PITRM1: variants seen among roughly 807,000 people sequenced by gnomAD.
PITRM1 encodes presequence protease, mitochondrial.
PITRM1 carries 100 observed loss-of-function variants against 129.9 expected under a neutral mutation model. The ratio of observed to expected loss-of-function variants is 0.77; its 90% CI spans 0.65 to 0.91. PITRM1 has a LOEUF of 0.91. Ranked by LOEUF, PITRM1 falls within the 40% of genes least tolerant of loss-of-function variation. The pLI is 0.00. For synonymous variants in PITRM1, 591 were observed against 508.8 expected (o/e 1.16, Z -2.17); for missense variants, 1,471 against 1,318.3 (o/e 1.12, Z -1.79).
At chr10:3,142,149 C>T (rs575409752) in intron 23 of PITRM1, among the ~76,000 whole-genome samples, 18 of 152,210 alleles carry the variant, frequency 1.2e-4, no homozygotes, top group African/African-American at 3.9e-4. Flanking sequence ...TGGAAACAGA[C>T]ACCACTCTTC....
intron 16 of PITRM1, chr10:3,148,670 TG>T (rs1311004111): frequency 5.9e-6 from 1 of 170,866 alleles, no homozygotes; most frequent in Non-Finnish European, 1.2e-5. Context: ...ATACTTCCTT[TG>T]TTTTGCTCGA....
chr10:3,143,716 A>G lies in PITRM1; in HGVS notation c.2533-215T>C, dbSNP rs1018874655. ...CACTGCAGTTCCGTCACTCCACACA[A>G]TTTCTCACTGTAAAACTGACATGAA... On this transcript the variant is annotated intron_variant, in intron 22 of 26. Coordinates refer to ENST00000224949, the MANE Select transcript of PITRM1 (RefSeq NM_014889.4). 13 of 704,942 alleles carry G rather than the reference A, an allele frequency of 1.8e-5. No individual in the cohort carries two copies. The African/African-American group carries it at 1.9e-4, about 10-fold the overall frequency. The allele number at this position is 704,942 out of a possible 1,614,324, so 43.7% of individuals were successfully genotyped here. A position where few individuals can be genotyped will look rare whatever the true frequency, so the allele number is the denominator to read the frequency against.
chr10:3,156,851 G>C, intron 13 of PITRM1, 79 bp downstream of exon 13: 1 of 942,954 alleles, frequency 1.1e-6, no homozygotes, highest in Non-Finnish European at 1.5e-6. Context: ...TAAATGTATA[G>C]ATTATGTTCC....
chr10:3,165,123 G>A (rs1842748664), intron 6 of PITRM1, 115 bp downstream of exon 6: 2 of 812,736 alleles, frequency 2.5e-6, no homozygotes, highest in South Asian at 3.8e-5. Context: ...GCTAATTCAA[G>A]AATGTATCAC....
At chr10:3,168,266 C>T (rs1213569659) in intron 2 of PITRM1, among the ~76,000 whole-genome samples, 1 of 152,196 alleles carries the variant, frequency 6.6e-6, no homozygotes, top group African/African-American at 2.4e-5. Flanking sequence ...GAAATTACTT[C>T]TGTTTCCAAG....
chr10:3,160,445 T>C, intron 7 of PITRM1, 115 bp from the exon 8 acceptor site: 1 of 848,490 alleles, frequency 1.2e-6, no homozygotes, highest in South Asian at 1.7e-5. Flanking sequence ...GGTCTCGCCT[T>C]TCGGTTTCAG....
At chr10:3,156,209 T>C (rs140383247) in intron 13 of PITRM1, among the ~76,000 whole-genome samples, 52 of 152,340 alleles carry the variant, frequency 3.4e-4, no homozygotes, top group Middle Eastern at 3.4e-3. Context: ...AAAATACATG[T>C]TGACGTTAAT....
chr10:3,172,779 T>C lies in PITRM1; in HGVS notation c.-7A>G, dbSNP rs1401639245. 4.5e-6 allele frequency: 7 copies of C among 1,543,694 alleles called. No individual in the cohort carries two copies. The highest frequency in any genetic ancestry group is 5.2e-6 in the Non-Finnish European group (6 of 1,144,728). ...GCCCGCCGCAGCGCCACATTGCGCA[T>C]GACGAGCACCTGGCTGGCGAGGAAC... On this transcript the variant is annotated 5_prime_UTR_variant, in exon 1 of 27. An upstream start codon of the reference 5' UTR is lost. Coordinates refer to ENST00000224949, the MANE Select transcript of PITRM1 (RefSeq NM_014889.4).
chr10:3,147,013 G>A, intron 20 of PITRM1, 137 bp downstream of exon 20: 1 of 514,550 alleles, frequency 1.9e-6, no homozygotes, highest in Admixed American at 3.6e-5. Context: ...TAGTTTGTTA[G>A]AACACTTGAC....
intron 11 of PITRM1, 41 bp from the exon 12 acceptor site, chr10:3,157,572 T>A: frequency 7.7e-7 from 1 of 1,290,364 alleles, no homozygotes; most frequent in Non-Finnish European, 1.1e-6. Flanking sequence ...CCAGACACAA[T>A]GGCTCATGCT....
chr10:3,141,727 C>G (rs182681927), intron 23 of PITRM1: 46 of 461,744 alleles, frequency 1.0e-4, no homozygotes, highest in African/African-American at 8.0e-4. Flanking sequence ...CTTCCACAGA[C>G]AGGCCTTTTC....
At chr10:3,151,154 C>T in intron 15 of PITRM1, 93 bp downstream of exon 15, 1 of 752,696 alleles carries the variant, frequency 1.3e-6, no homozygotes, top group Non-Finnish European at 2.4e-6. Context: ...CAGGGAAAAC[C>T]TCCAAGACAT....
intron 24 of PITRM1, among the ~76,000 whole-genome samples, chr10:3,140,347 G>A (rs1840058960): frequency 6.6e-6 from 1 of 152,144 alleles, no homozygotes; most frequent in South Asian, 2.1e-4. Flanking sequence ...GTTTATGTCT[G>A]GAATTTTCCA....
At chr10:3,152,000 G>A (rs562730564) in intron 14 of PITRM1, among the ~76,000 whole-genome samples, 1 of 152,182 alleles carries the variant, frequency 6.6e-6, no homozygotes, top group Non-Finnish European at 1.5e-5. Flanking sequence ...TCCCACCTTG[G>A]CCTCCCAAAG....
At position 3,170,168 on chromosome 10, in the gene PITRM1, C is replaced by G; in HGVS notation, c.95G>C (p.Arg32Pro). 6.2e-7 allele frequency: 1 copy of G among 1,613,974 alleles called. No homozygotes were observed. The highest frequency in any genetic ancestry group is 8.5e-7 in the Non-Finnish European group (1 of 1,179,876). ...ATACTGCAGAGCCCTCTCACAAGCC[C>G]GGTTACTGTTCCATCGCCACGCTCT... ...HHRAWRWNSN[R>P]ACERALQYKL... is the part of the protein sequence containing the mutation. Residue 32 changes from arginine to proline, a missense_variant, in exon 2 of 27, where the codon CGG (arginine) becomes CCG (proline). Physicochemically the swap from Arg to Pro is moderately radical, Grantham distance 103. Coordinates refer to ENST00000224949, the MANE Select transcript of PITRM1 (RefSeq NM_014889.4).
In PITRM1 at chr10:3,163,769, C is replaced by T. The variant is rs1420120828; in HGVS notation, c.747G>A (p.Gln249=). Residue 249 remains glutamine (Q), a synonymous_variant, in exon 7 of 27, where the codon CAG becomes CAA. Transcript: ENST00000224949. ...PLCIPELTWE[Q]LKQFHATHYH... Reference sequence around the variant, plus strand: ...AGTGAGTGGCATGAAACTGCTTAAGCTGCTCCCATGTAAGCTCCGGGATGC... The same window carrying T: ...AGTGAGTGGCATGAAACTGCTTAAGTTGCTCCCATGTAAGCTCCGGGATGC... 5 of 1,613,130 alleles carry T rather than the reference C, an allele frequency of 3.1e-6. No homozygotes were observed. Among genetic ancestry groups the T allele is most frequent in the East Asian group, 2.2e-5 (1 of 44,828 alleles).
intron 23 of PITRM1, 110 bp downstream of exon 23, chr10:3,143,279 A>G: frequency 1.4e-6 from 1 of 692,680 alleles, no homozygotes; most frequent in Non-Finnish European, 2.6e-6. Context: ...CAACACTCAG[A>G]GTCAGCACAG....
intron 2 of PITRM1, chr10:3,167,946 G>A (rs976710307): frequency 6.6e-5 from 10 of 152,238 alleles, no homozygotes; most frequent in Admixed American, 1.3e-4. Context: ...CTCCTGGGGC[G>A]GCGTGGAAGG....
At position 3,156,864 on chromosome 10, in the gene PITRM1, A is replaced by C. The variant is rs1024148056; in HGVS notation, c.1482+66T>G. 4.7e-5 allele frequency: 50 copies of C among 1,066,392 alleles called. No individual in the cohort carries two copies. In the Middle Eastern group the frequency reaches 7.2e-4, roughly 15 times the overall value. The allele number at this position is 1,066,392 out of a possible 1,614,324, so 66.1% of individuals were successfully genotyped here. A position where few individuals can be genotyped will look rare whatever the true frequency, so the allele number is the denominator to read the frequency against. The stretch of plus-strand genomic sequence containing the variant: ...CTTAAATGTATAGATTATGTTCCTA[A>C]TATTCCTTTCATTAGTATAAAATTC... On this transcript the variant is annotated intron_variant, in intron 13 of 26. Transcript: ENST00000224949.
Sources: allele counts gnomAD v4.1 joint callset (sites outside exome capture counted in the v4.1 genomes callset), GRCh38; gene constraint gnomAD v4.1.1; transcripts MANE v1.5; gene names NCBI Gene and HGNC (gene_info 2026-07-23, HGNC 2026-07-21).